The following ADAMTS5 variants were observed in gnomAD, a reference collection of about 807,000 sequenced individuals.
ADAMTS5 encodes the protein ADAM metallopeptidase with thrombospondin type 1 motif 5.
Under a neutral mutation model 81.4 loss-of-function variants are expected in ADAMTS5, and 54 were observed. That is an observed-to-expected ratio of 0.66 (90% CI 0.53 to 0.83). The LOEUF is 0.83. ADAMTS5 is among the 40% of genes least tolerant of loss of function. The probability of loss-of-function intolerance (pLI) is 0.00; values close to 1 mark genes in which losing one functional copy is unlikely to be tolerated. For synonymous variants in ADAMTS5, 532 were observed against 508.8 expected (o/e 1.05, Z -0.61); for missense variants, 1,194 against 1,229.9 (o/e 0.97, Z 0.44).
At chr21:26,928,685 C>A (rs964430297) in intron 7 of ADAMTS5, among the ~76,000 whole-genome samples, 7 of 138,160 alleles carry the variant, frequency 5.1e-5, no homozygotes, top group Non-Finnish European at 1.1e-4. Context: ...CTTTCTTTTT[C>A]TTTCTTTCTC....
intron 7 of ADAMTS5, among the ~76,000 whole-genome samples, chr21:26,927,688 A>G (rs532464629): frequency 6.6e-6 from 1 of 152,150 alleles, no homozygotes; most frequent in Non-Finnish European, 1.5e-5. Flanking sequence ...CTACTGATCA[A>G]AGGAATGCAA....
chr21:26,934,811 G>C, intron 3 of ADAMTS5, 62 bp from the exon 4 acceptor site: 1 of 1,580,572 alleles, frequency 6.3e-7, no homozygotes, highest in South Asian at 1.2e-5. Flanking sequence ...CTAAAATCAT[G>C]GATCTAAAAA....
At chr21:26,955,659 A>G (rs1320053859) in intron 1 of ADAMTS5, among the ~76,000 whole-genome samples, 1 of 152,220 alleles carries the variant, frequency 6.6e-6, no homozygotes, top group African/African-American at 2.4e-5. Flanking sequence ...AAGCCTCTTG[A>G]GATATGAAAC....
intron 2 of ADAMTS5, among the ~76,000 whole-genome samples, chr21:26,950,862 A>AG (rs1207581278): frequency 2.9e-5 from 4 of 135,970 alleles, no homozygotes; most frequent in Non-Finnish European, 6.7e-5. Flanking sequence ...TATCAAGGTA[A>AG]GATTTTTTTT....
At chr21:26,959,571 G>A (rs1987488926) in intron 1 of ADAMTS5, among the ~76,000 whole-genome samples, 1 of 152,090 alleles carries the variant, frequency 6.6e-6, no homozygotes, top group African/African-American at 2.4e-5. Context: ...ACTTGATTAA[G>A]CAAATTTCTT....
rs765366777 is a variant in ADAMTS5 at position 26,934,452 on chromosome 21, A to G, written c.1689+14T>C. On this transcript the variant is annotated intron_variant, in intron 4 of 7. Coordinates refer to ENST00000284987, the MANE Select transcript of ADAMTS5 (RefSeq NM_007038.5). ...TTGGGCCTCCAGGCATTGACTGATG[A>G]GAAAATCACTTACTGAATAATATTT... 1 of 1,613,682 alleles carries G rather than the reference A, an allele frequency of 6.2e-7. No individual in the cohort carries two copies. Among genetic ancestry groups the G allele is most frequent in the Non-Finnish European group, 8.5e-7 (1 of 1,179,670 alleles).
Position 26,966,215 on chromosome 21 carries a change from G to A in ADAMTS5, c.177C>T (p.Gly59=), listed in dbSNP as rs746287409. The change falls in exon 1 of 8, where the codon GGC becomes GGT. Residue 59 remains glycine (G), a synonymous_variant. Coordinates refer to ENST00000284987, the MANE Select transcript of ADAMTS5 (RefSeq NM_007038.5). ...EEVQERAEPP[G]HPHPLAQRRR... is the part of the protein sequence containing the mutation. The stretch of plus-strand genomic sequence containing the variant: ...GCCGCTGCGCCAGGGGGTGCGGGTG[G>A]CCGGGAGGCTCGGCTCGCTCCTGCA... 1.3e-6 allele frequency: 2 copies of A among 1,598,138 alleles called. No homozygotes were observed. The highest frequency in any genetic ancestry group is 1.7e-6 in the Non-Finnish European group (2 of 1,173,252).
chr21:26,949,927 C>T (rs755812258), intron 2 of ADAMTS5, among the ~76,000 whole-genome samples: 7 of 152,192 alleles, frequency 4.6e-5, no homozygotes, highest in Non-Finnish European at 7.3e-5. Flanking sequence ...AGAACCTCTG[C>T]AGCTTTTCAA....
chr21:26,946,387 C>T (rs148014498), intron 2 of ADAMTS5, among the ~76,000 whole-genome samples: 20 of 152,024 alleles, frequency 1.3e-4, no homozygotes, highest in Non-Finnish European at 2.8e-4. Flanking sequence ...AAAGACGGCA[C>T]GCTATGATAC....
Position 26,965,326 on chromosome 21 carries a change from C to T in ADAMTS5, c.1066G>A (p.Glu356Lys). 6.2e-7 allele frequency: 1 copy of T among 1,614,168 alleles called. No homozygotes were observed. ...HQHNQLGDDH[E>K]EHYDAAILFT... Reference sequence around the variant, plus strand: ...AGGATAGCTGCATCGTAGTGCTCCTCATGGTCATCTCCCAGCTGGTTGTGT... The same window carrying T: ...AGGATAGCTGCATCGTAGTGCTCCTTATGGTCATCTCCCAGCTGGTTGTGT... The change falls in exon 1 of 8, where the codon GAG (glutamate) becomes AAG (lysine). Residue 356 changes from glutamate (E) to lysine (K), a missense_variant. By Grantham distance (56) the Glu-to-Lys change is moderately conservative (BLOSUM62 1). Coordinates refer to ENST00000284987, the MANE Select transcript of ADAMTS5 (RefSeq NM_007038.5).
chr21:26,945,869 G>A (rs1263108617), intron 2 of ADAMTS5, among the ~76,000 whole-genome samples: 1 of 152,118 alleles, frequency 6.6e-6, no homozygotes, highest in Admixed American at 6.6e-5. Context: ...ACAAATCTTT[G>A]CTTCACCTCA....
chr21:26,918,196 T>A lies in ADAMTS5; in HGVS notation c.*5857A>T, dbSNP rs1986617893. 1 of 152,446 alleles carries A rather than the reference T, an allele frequency of 6.6e-6. No homozygotes were observed. Among genetic ancestry groups the A allele is most frequent in the African/African-American group, 2.4e-5 (1 of 41,434 alleles). 9.4% of individuals were successfully genotyped at this position (152,446 alleles called of 1,614,324 possible). On this transcript the variant is annotated 3_prime_UTR_variant, in exon 8 of 8. Coordinates refer to ENST00000284987, the MANE Select transcript of ADAMTS5 (RefSeq NM_007038.5). Reference sequence around the variant, plus strand: ...TGAGAGACATTTTAAACAAGACCCGTCTTAGTTTTCCAAGATTTTTGGTTT... The same window carrying A: ...TGAGAGACATTTTAAACAAGACCCGACTTAGTTTTCCAAGATTTTTGGTTT...
intron 2 of ADAMTS5, among the ~76,000 whole-genome samples, 169 bp from the exon 3 acceptor site, chr21:26,943,716 T>C (rs1987159497): frequency 6.6e-6 from 1 of 152,126 alleles, no homozygotes; most frequent in South Asian, 2.1e-4. Context: ...TTGCATGGAG[T>C]TAGTGTAGCA....
chr21:26,927,600 G>T (rs986305689), intron 7 of ADAMTS5, among the ~76,000 whole-genome samples: 7 of 152,062 alleles, frequency 4.6e-5, no homozygotes, highest in African/African-American at 1.7e-4. Context: ...GGAGGGAAGG[G>T]GCCAGATCTT....
chr21:26,959,160 C>T (rs767877313), intron 1 of ADAMTS5, among the ~76,000 whole-genome samples: 40 of 152,194 alleles, frequency 2.6e-4, no homozygotes, highest in African/African-American at 7.0e-4. Context: ...AGATGCTTGA[C>T]GGAGTCATTC....
intron 3 of ADAMTS5, among the ~76,000 whole-genome samples, chr21:26,942,972 C>A (rs757393987): frequency 6.6e-6 from 1 of 152,182 alleles, no homozygotes; most frequent in Non-Finnish European, 1.5e-5. Flanking sequence ...TTGTCACCTA[C>A]ACCTTAACTG....
At chr21:26,960,943 T>C (rs1373794678) in intron 1 of ADAMTS5, among the ~76,000 whole-genome samples, 5 of 152,198 alleles carry the variant, frequency 3.3e-5, no homozygotes. Flanking sequence ...TGCACTTCCA[T>C]AATACCTTAC....
intron 3 of ADAMTS5, among the ~76,000 whole-genome samples, chr21:26,940,705 A>C (rs1343249011): frequency 1.3e-5 from 2 of 152,150 alleles, no homozygotes; most frequent in Non-Finnish European, 2.9e-5. Context: ...GAGTAAAGTT[A>C]AAAGGTTTTA....
chr21:26,966,060 G>A lies in ADAMTS5; in HGVS notation c.332C>T (p.Ala111Val). 1 of 1,613,290 alleles carries A rather than the reference G, an allele frequency of 6.2e-7. No homozygotes were observed. Among genetic ancestry groups the A allele is most frequent in the East Asian group, 2.2e-5 (1 of 44,842 alleles). The change falls in exon 1 of 8, where the codon GCT becomes GTT. Residue 111 changes from alanine to valine, a missense_variant. By Grantham distance (64) the Ala-to-Val change is moderately conservative. This residue lies in a region of ADAMTS5 where 498 missense variants were observed against 412.3 expected (regional missense o/e 1.21). Coordinates refer to ENST00000284987, the MANE Select transcript of ADAMTS5 (RefSeq NM_007038.5). ...CCCGCCTCCTGCGGGCACGAAGCCAGCAATGCCCACCGAACCATCTCGCTC... is the reference window on the plus strand; with the variant it reads ...CCCGCCTCCTGCGGGCACGAAGCCAACAATGCCCACCGAACCATCTCGCTC... ...DLERDGSVGI[A>V]GFVPAGGGTS...
Sources: allele counts gnomAD v4.1 joint callset (sites outside exome capture counted in the v4.1 genomes callset), GRCh38; gene constraint gnomAD v4.1.1; regional missense constraint gnomAD v4.1.1; transcripts MANE v1.5; gene names NCBI Gene and HGNC (gene_info 2026-07-23, HGNC 2026-07-21).